Variants in CACNA1C observed in about 807,000 individuals in gnomAD.
CACNA1C encodes the protein voltage-dependent L-type calcium channel subunit alpha-1C.
CACNA1C carries 30 observed loss-of-function variants against 229.0 expected under a neutral mutation model. That is an observed-to-expected ratio of 0.13 (90% confidence interval 0.10 to 0.18). The LOEUF (loss-of-function observed/expected upper bound fraction) is 0.18. CACNA1C is among the 10% of genes least tolerant of loss of function. The pLI, the probability that CACNA1C is intolerant of heterozygous loss-of-function variation, is 1.00. For synonymous variants in CACNA1C, 1,114 were observed against 1,132.5 expected (o/e 0.98, Z 0.33); for missense variants, 1,658 against 2,845.0 (o/e 0.58, Z 9.49).
At chr12:2,184,122 A>G (rs959635168) in intron 3 of CACNA1C, among the ~76,000 whole-genome samples, 1 of 152,158 alleles carries the variant, frequency 6.6e-6, no homozygotes, top group Non-Finnish European at 1.5e-5. Flanking sequence ...TGGCAAGGCA[A>G]GCAGGCACCA....
chr12:2,519,848 G>T (rs2099806104), intron 9 of CACNA1C, among the ~76,000 whole-genome samples: 1 of 152,196 alleles, frequency 6.6e-6, no homozygotes, highest in African/African-American at 2.4e-5. Flanking sequence ...TCTGTTCATT[G>T]GTAGCACATT....
intron 3 of CACNA1C, among the ~76,000 whole-genome samples, chr12:2,382,734 G>A (rs988691000): frequency 6.6e-6 from 1 of 152,148 alleles, no homozygotes; most frequent in African/African-American, 2.4e-5. Context: ...AATGTATTTT[G>A]CCCTGGGCAC....
intron 13 of CACNA1C, among the ~76,000 whole-genome samples, chr12:2,573,929 G>C (rs573671981): frequency 6.6e-6 from 1 of 152,264 alleles, no homozygotes; most frequent in Admixed American, 6.5e-5. Context: ...TGAGGAAAAT[G>C]AATTATTTAC....
chr12:2,258,095 T>TG (rs2078678406), intron 3 of CACNA1C, among the ~76,000 whole-genome samples: 1 of 152,252 alleles, frequency 6.6e-6, no homozygotes, highest in Non-Finnish European at 1.5e-5. Context: ...CTGCTGTGTT[T>TG]GGGGTCTGCC....
At chr12:2,472,632 A>G (rs2099599420) in intron 5 of CACNA1C, among the ~76,000 whole-genome samples, 1 of 152,120 alleles carries the variant, frequency 6.6e-6, no homozygotes, top group Non-Finnish European at 1.5e-5. Context: ...ACACCCACAT[A>G]TATATAGCTG....
chr12:2,508,338 A>G (rs982118913), intron 8 of CACNA1C, among the ~76,000 whole-genome samples: 15 of 152,280 alleles, frequency 9.9e-5, no homozygotes, highest in African/African-American at 3.4e-4. Context: ...AGATGACTCC[A>G]TAAAGCTTCC....
At chr12:2,197,541 G>A (rs2238050) in intron 3 of CACNA1C, among the ~76,000 whole-genome samples, 70,138 of 152,084 alleles carry the variant, frequency 0.46, 17,406 homozygotes, top group African/African-American at 0.65. Flanking sequence ...TCAGTGACTA[G>A]CTGAATTTTA....
chr12:2,351,826 A>G (rs1339427471), intron 3 of CACNA1C, among the ~76,000 whole-genome samples: 1 of 151,992 alleles, frequency 6.6e-6, no homozygotes, highest in Non-Finnish European at 1.5e-5. Context: ...CCCTAAATAC[A>G]TGCCCACCAC....
chr12:2,176,353 A>G (rs1216098220), intron 3 of CACNA1C, among the ~76,000 whole-genome samples: 1 of 151,942 alleles, frequency 6.6e-6, no homozygotes, highest in Non-Finnish European at 1.5e-5. Flanking sequence ...CTTAGAAACC[A>G]TTTTCAGGGC....
intron 44 of CACNA1C, 44 bp downstream of exon 44, chr12:2,685,886 C>G (rs771770497): frequency 7.2e-7 from 1 of 1,388,818 alleles, no homozygotes; most frequent in South Asian, 1.2e-5. Context: ...GCGGTTACTC[C>G]CTAGAGAACA....
At chr12:2,458,985 T>C (rs546110698) in intron 5 of CACNA1C, among the ~76,000 whole-genome samples, 51 of 134,106 alleles carry the variant, frequency 3.8e-4, no homozygotes, top group African/African-American at 1.3e-3. Flanking sequence ...TTCTTTCTTT[T>C]TTTTTTTTTT....
Position 2,685,851 on chromosome 12 carries a change from A to G in CACNA1C, c.5680+9A>G, listed in dbSNP as rs775305159. 6.3e-7 allele frequency: 1 copy of G among 1,592,698 alleles called. No individual in the cohort carries two copies. Among genetic ancestry groups the G allele is most frequent in the Non-Finnish European group, 8.6e-7 (1 of 1,160,646 alleles). On this transcript the variant is annotated intron_variant, in intron 44 of 46. Transcript: ENST00000399655. ...CCGCTCTGCCTCACTAGGTAAATGC[A>G]CCGCTCGCTCTCTGGATGTGGTCGG...
chr12:2,200,481 G>T (rs993294845), intron 3 of CACNA1C, among the ~76,000 whole-genome samples: 7 of 152,202 alleles, frequency 4.6e-5, no homozygotes, highest in Admixed American at 2.0e-4. Context: ...ATCCTGCCAT[G>T]CACAGGACAG....
Position 2,487,780 on chromosome 12 carries a change from G to A in CACNA1C, c.916+1518G>A, listed in dbSNP as rs114814029. Among the ~76,000 whole-genome samples the A allele has an allele frequency of 8.5e-3, 1,287 of 152,120 alleles. 18 individuals are homozygous for A. The highest frequency in any genetic ancestry group is 0.027 in the African/African-American group (1,128 of 41,494). ...TTTTTAGCCTTGCTTAAAGAAATGCGAAACCATATATGAATAATATTTTCC... is the reference window on the plus strand; with the variant it reads ...TTTTTAGCCTTGCTTAAAGAAATGCAAAACCATATATGAATAATATTTTCC... On this transcript the variant is annotated intron_variant, in intron 6 of 46. Coordinates refer to ENST00000399655, the MANE Select transcript of CACNA1C (RefSeq NM_000719.7).
intron 1 of CACNA1C, among the ~76,000 whole-genome samples, chr12:2,078,553 G>T (rs1323531115): frequency 1.3e-5 from 2 of 152,220 alleles, no homozygotes; most frequent in Admixed American, 1.3e-4. Flanking sequence ...AAGTAGAATT[G>T]TGGTTGCCAA....
At chr12:2,581,291 A>G (rs2060398793) in intron 13 of CACNA1C, among the ~76,000 whole-genome samples, 1 of 152,196 alleles carries the variant, frequency 6.6e-6, no homozygotes, top group South Asian at 2.1e-4. Flanking sequence ...TGCAGAAGGC[A>G]GGGAAGTGAA....
rs1165823022 is a variant in CACNA1C at position 2,632,832 on chromosome 12, A to G, written c.3829-1465A>G. Among the ~76,000 whole-genome samples the G allele has an allele frequency of 6.6e-6, 1 of 152,140 alleles. No individual in the cohort carries two copies. The highest frequency in any genetic ancestry group is 1.5e-5 in the Non-Finnish European group (1 of 68,026). On this transcript the variant is annotated intron_variant, in intron 29 of 46. Transcript: ENST00000399655. The surrounding 1 kb of genome is among the most constrained non-coding windows in gnomAD (Gnocchi z 4.1). ...TGAAAGAACCTGGGGAGGGGCTTAG[A>G]AAGCCTCAGAAAGCCCTGTCAAGAG...
At position 2,697,552 on chromosome 12, in the gene CACNA1C, C is replaced by A. The variant is rs1355328876; in HGVS notation, c.*6353C>A. ...CCTCCAGCTCAAACCCACCTTCATC[C>A]CCCAAACCAATCTGTATCATGCCTG... On this transcript the variant is annotated 3_prime_UTR_variant, in exon 47 of 47. Transcript: ENST00000399655. The A allele has an allele frequency of 1.3e-5, 2 of 152,092 alleles. No individual in the cohort carries two copies. Among genetic ancestry groups the A allele is most frequent in the African/African-American group, 4.8e-5 (2 of 41,400 alleles). 9.4% of individuals were successfully genotyped at this position (152,092 alleles called of 1,614,324 possible). A position where few individuals can be genotyped will look rare whatever the true frequency, so the allele number is the denominator to read the frequency against.
At chr12:2,212,238 T>C (rs140045228) in intron 3 of CACNA1C, among the ~76,000 whole-genome samples, 3 of 152,362 alleles carry the variant, frequency 2.0e-5, no homozygotes, top group Non-Finnish European at 4.4e-5. Context: ...AATTAGCCAC[T>C]GTTTACATTT....
Sources: allele counts gnomAD v4.1 joint callset (sites outside exome capture counted in the v4.1 genomes callset), GRCh38; gene constraint gnomAD v4.1.1; non-coding constraint Gnocchi (gnomAD v3.1); transcripts MANE v1.5; gene names NCBI Gene and HGNC (gene_info 2026-07-23, HGNC 2026-07-21).